Variants in LDLRAD4 observed in about 807,000 individuals in gnomAD.
The protein encoded by LDLRAD4 is low density lipoprotein receptor class A domain containing 4, also known as low-density lipoprotein receptor class A domain-containing protein 4.
LDLRAD4 carries 5 observed loss-of-function variants against 17.0 expected under a neutral mutation model. That is an observed-to-expected ratio of 0.29 (90% CI 0.15 to 0.62). The LOEUF (loss-of-function observed/expected upper bound fraction) is 0.62. LDLRAD4 is among the 20% of genes least tolerant of loss of function. The pLI, the probability that LDLRAD4 is intolerant of heterozygous loss-of-function variation, is 0.84. For missense variants in LDLRAD4, 340 were observed against 424.7 expected, an observed-to-expected ratio of 0.80 and a Z score of 1.75; for synonymous variants, 168 against 171.8, an observed-to-expected ratio of 0.98 and a Z score of 0.17.
intron 2 of LDLRAD4, among the ~76,000 whole-genome samples, chr18:13,396,084 C>A (rs115649842): frequency 6.6e-6 from 1 of 152,180 alleles, no homozygotes; most frequent in East Asian, 1.9e-4. Context: ...ACAAGTGTAA[C>A]GTCTGGGTAG....
chr18:13,254,407 G>A (rs573362764), intron 1 of LDLRAD4, among the ~76,000 whole-genome samples: 4 of 152,332 alleles, frequency 2.6e-5, no homozygotes, highest in African/African-American at 7.2e-5. Flanking sequence ...TCTGGAGACT[G>A]GGCAGTTTGG....
chr18:13,299,302 A>G (rs1164168861), intron 1 of LDLRAD4, among the ~76,000 whole-genome samples: 3 of 152,218 alleles, frequency 2.0e-5, no homozygotes, highest in Non-Finnish European at 4.4e-5. Context: ...GCATTTAAAA[A>G]TCTTTGTTTA....
intron 2 of LDLRAD4, among the ~76,000 whole-genome samples, chr18:13,397,364 C>T (rs1381604536): frequency 1.3e-5 from 2 of 152,164 alleles, no homozygotes; most frequent in East Asian, 3.8e-4. Flanking sequence ...AGGATGGTCT[C>T]TATCTCCTGA....
At chr18:13,276,254 C>T (rs550226516), upstream of LDLRAD4, among the ~76,000 whole-genome samples, 7 of 152,138 alleles carry the variant, frequency 4.6e-5, no homozygotes, top group South Asian at 6.2e-4. Flanking sequence ...CTGATCCACC[C>T]GCCTCGGCCT....
Position 13,440,379 on chromosome 18 carries a change from C to G in LDLRAD4, c.181+1995C>G, listed in dbSNP as rs1249467275. On this transcript the variant is annotated intron_variant, in intron 3 of 5. Coordinates refer to ENST00000359446, the Ensembl canonical transcript of LDLRAD4. This position sits in a 1 kb window ranked among gnomAD's most constrained non-coding sequence, Gnocchi z 4.4. ...TAAAATGCGAGCACTTTAATTCTGCCTAGAAGCCGAGGGAGCAGTTACATC... is the reference window on the plus strand; with the variant it reads ...TAAAATGCGAGCACTTTAATTCTGCGTAGAAGCCGAGGGAGCAGTTACATC... Among the ~76,000 whole-genome samples the G allele has an allele frequency of 1.3e-5, 2 of 152,200 alleles. No individual in the cohort carries two copies. Among genetic ancestry groups the G allele is most frequent in the Non-Finnish European group, 2.9e-5 (2 of 68,034 alleles).
intron 1 of LDLRAD4, among the ~76,000 whole-genome samples, chr18:13,230,049 T>TG (rs900981894): frequency 1.3e-5 from 2 of 152,178 alleles, no homozygotes; most frequent in African/African-American, 4.8e-5. Flanking sequence ...TATTGAGCGA[T>TG]GGGGCTTCTA....
At chr18:13,290,216 G>A (rs2045886900) in intron 1 of LDLRAD4, among the ~76,000 whole-genome samples, 1 of 152,196 alleles carries the variant, frequency 6.6e-6, no homozygotes, top group South Asian at 2.1e-4. Flanking sequence ...GGTCCTCAGT[G>A]CCTTGATCCT....
intron 3 of LDLRAD4, among the ~76,000 whole-genome samples, chr18:13,534,340 A>C (rs2094171606): frequency 6.6e-6 from 1 of 152,194 alleles, no homozygotes; most frequent in African/African-American, 2.4e-5. Flanking sequence ...TTTTCAGAAA[A>C]CTGGCTAAAC....
At chr18:13,442,930 G>A (rs1202250983) in intron 3 of LDLRAD4, among the ~76,000 whole-genome samples, 1 of 152,144 alleles carries the variant, frequency 6.6e-6, no homozygotes. Context: ...AGCTTCAGTG[G>A]AATTTCCACT....
chr18:13,476,306 A>C (rs1323244189), intron 3 of LDLRAD4, among the ~76,000 whole-genome samples: 1 of 152,234 alleles, frequency 6.6e-6, no homozygotes, highest in Non-Finnish European at 1.5e-5. Flanking sequence ...AATTGCCAAC[A>C]TTAAGACTGA....
chr18:13,377,571 G>A (rs1358729006), intron 1 of LDLRAD4, among the ~76,000 whole-genome samples: 3 of 152,204 alleles, frequency 2.0e-5, no homozygotes, highest in Admixed American at 6.5e-5. Flanking sequence ...CGAAGTTTAA[G>A]TTCTAAGAGG....
chr18:13,319,180 A>T (rs2081087956), intron 1 of LDLRAD4, among the ~76,000 whole-genome samples: 1 of 152,228 alleles, frequency 6.6e-6, no homozygotes, highest in African/African-American at 2.4e-5. Flanking sequence ...CCTCTCTGTC[A>T]TGGCACCTTT....
chr18:13,504,271 G>A (rs1039584327), intron 3 of LDLRAD4, among the ~76,000 whole-genome samples: 51 of 152,184 alleles, frequency 3.4e-4, no homozygotes, highest in Admixed American at 1.3e-3. Context: ...TTACTAATGG[G>A]TTGCTCCGGT....
intron 3 of LDLRAD4, among the ~76,000 whole-genome samples, chr18:13,590,295 T>G (rs2095001955): frequency 7.6e-6 from 1 of 132,306 alleles, no homozygotes; most frequent in African/African-American, 2.9e-5. Context: ...GTGGGGGAGA[T>G]AGGGGTGTAT....
At chr18:13,324,417 C>T (rs1169948454) in intron 1 of LDLRAD4, among the ~76,000 whole-genome samples, 1 of 152,110 alleles carries the variant, frequency 6.6e-6, no homozygotes, top group Admixed American at 6.5e-5. Flanking sequence ...GCTGGGATTA[C>T]AGGCATGAGC....
At chr18:13,439,231 T>C (rs976563614) in intron 3 of LDLRAD4, among the ~76,000 whole-genome samples, 2 of 152,190 alleles carry the variant, frequency 1.3e-5, no homozygotes, top group Non-Finnish European at 2.9e-5. Flanking sequence ...AAATTTTTGT[T>C]ATGGAAATTA....
chr18:13,546,563 C>G (rs2094367376), intron 3 of LDLRAD4, among the ~76,000 whole-genome samples: 1 of 151,970 alleles, frequency 6.6e-6, no homozygotes, highest in Non-Finnish European at 1.5e-5. Flanking sequence ...GAGACAGGGT[C>G]TTGCTATGTT....
intron 3 of LDLRAD4, among the ~76,000 whole-genome samples, chr18:13,583,549 C>T (rs1011163283): frequency 2.0e-5 from 3 of 152,148 alleles, no homozygotes; most frequent in African/African-American, 7.2e-5. Context: ...AAGAAAGAAA[C>T]GAGTTTGGCC....
At chr18:13,557,079 G>A (rs886415224) in intron 3 of LDLRAD4, among the ~76,000 whole-genome samples, 2 of 152,030 alleles carry the variant, frequency 1.3e-5, no homozygotes, top group African/African-American at 4.8e-5. Flanking sequence ...AGGATCACTT[G>A]AGCCCAGGAG....
Sources: gnomAD v4.1 joint callset for allele counts (sites outside exome capture counted in the v4.1 genomes callset) on GRCh38, gnomAD v4.1.1 for gene constraint, Gnocchi (gnomAD v3.1) non-coding constraint, MANE v1.5 for transcripts, NCBI Gene and HGNC (gene_info 2026-07-23, HGNC 2026-07-21) for gene names.